EXT1: variants seen among roughly 807,000 people sequenced by gnomAD.
The protein encoded by EXT1 is exostosin-1.
EXT1 carries 20 observed loss-of-function variants against 82.5 expected under a neutral mutation model. That is an observed-to-expected ratio of 0.24 (90% CI 0.17 to 0.35). EXT1 has a LOEUF of 0.35. EXT1 is among the 10% of genes least tolerant of loss of function. EXT1 has a pLI of 1.00. For missense variants in EXT1, 757 were observed against 936.5 expected, an observed-to-expected ratio of 0.81 and a Z score of 2.50; for synonymous variants, 348 against 350.8, an observed-to-expected ratio of 0.99 and a Z score of 0.09.
chr8:117,825,597 A>G (rs1811997210), intron 4 of EXT1, among the ~76,000 whole-genome samples: 1 of 152,158 alleles, frequency 6.6e-6, no homozygotes, highest in Admixed American at 6.5e-5. Flanking sequence ...TCCTTATTTT[A>G]CTTTTATGTA....
chr8:117,949,744 G>A (rs1814457023), intron 1 of EXT1, among the ~76,000 whole-genome samples: 1 of 151,986 alleles, frequency 6.6e-6, no homozygotes, highest in Non-Finnish European at 1.5e-5. Context: ...TTTAGAAAAC[G>A]AAAGAGAGAA....
chr8:118,018,086 C>T (rs1816033333), intron 1 of EXT1, among the ~76,000 whole-genome samples: 1 of 152,300 alleles, frequency 6.6e-6, no homozygotes, highest in South Asian at 2.1e-4. Context: ...TACATATCCA[C>T]TAAAGACAGA....
intron 1 of EXT1, among the ~76,000 whole-genome samples, chr8:117,933,663 C>T (rs1214376810): frequency 6.6e-6 from 1 of 152,158 alleles, no homozygotes; most frequent in African/African-American, 2.4e-5. Flanking sequence ...CTTACTGCTG[C>T]GTCCCATGCA....
chr8:118,094,370 T>C (rs1230698917), intron 1 of EXT1, among the ~76,000 whole-genome samples: 1 of 152,246 alleles, frequency 6.6e-6, no homozygotes, highest in East Asian at 1.9e-4. Context: ...GGAGCTTCTA[T>C]ATGACTGGCA....
intron 1 of EXT1, among the ~76,000 whole-genome samples, chr8:117,903,969 A>C (rs1025781518): frequency 1.3e-5 from 2 of 152,210 alleles, no homozygotes; most frequent in African/African-American, 4.8e-5. Flanking sequence ...ATTTCTTAGG[A>C]ACACGCGTTA....
intron 1 of EXT1, among the ~76,000 whole-genome samples, chr8:118,085,587 G>A (rs886337719): frequency 6.6e-6 from 1 of 151,526 alleles, no homozygotes; most frequent in African/African-American, 2.4e-5. Flanking sequence ...GAAGTCACTG[G>A]GGAAAAACAA....
At chr8:117,962,680 G>A (rs531626834) in intron 1 of EXT1, among the ~76,000 whole-genome samples, 7 of 152,198 alleles carry the variant, frequency 4.6e-5, no homozygotes, top group African/African-American at 1.4e-4. Context: ...TTGGGGCTGC[G>A]AGACAGAGGT....
intron 6 of EXT1, 81 bp from the exon 7 acceptor site, chr8:117,818,611 C>CAGAAAG: frequency 1.8e-6 from 2 of 1,128,416 alleles, no homozygotes; most frequent in Non-Finnish European, 1.4e-6. Flanking sequence ...TTCTCAGAGA[C>CAGAAAG]AGAAAGAGAA....
chr8:117,988,377 A>G (rs1296728303), intron 1 of EXT1, among the ~76,000 whole-genome samples: 2 of 152,238 alleles, frequency 1.3e-5, no homozygotes, highest in East Asian at 3.9e-4. Context: ...GGAGGTCATT[A>G]CAAAGTGTAG....
At chr8:117,913,244 C>G (rs1171721785) in intron 1 of EXT1, among the ~76,000 whole-genome samples, 1 of 151,954 alleles carries the variant, frequency 6.6e-6, no homozygotes, top group East Asian at 1.9e-4. Context: ...TCAGACAGTC[C>G]AAGAGAACAC....
chr8:117,808,004 A>G (rs1169114562), intron 8 of EXT1, among the ~76,000 whole-genome samples: 1 of 152,220 alleles, frequency 6.6e-6, no homozygotes, highest in African/African-American at 2.4e-5. Context: ...ATCACTAAGA[A>G]TAAGTGGGGA....
At chr8:117,954,490 T>G (rs1270435677) in intron 1 of EXT1, among the ~76,000 whole-genome samples, 1 of 152,212 alleles carries the variant, frequency 6.6e-6, no homozygotes, top group African/African-American at 2.4e-5. Context: ...AGCCATGGAC[T>G]GAGCCAACTC....
At chr8:117,891,870 G>A (rs1423302464) in intron 1 of EXT1, among the ~76,000 whole-genome samples, 2 of 140,616 alleles carry the variant, frequency 1.4e-5, no homozygotes, top group Admixed American at 8.0e-5. Flanking sequence ...GCAGTGGCAC[G>A]ATCTCGGCTC....
intron 1 of EXT1, among the ~76,000 whole-genome samples, chr8:118,043,166 T>C (rs867148865): frequency 6.6e-6 from 1 of 152,196 alleles, no homozygotes; most frequent in Non-Finnish European, 1.5e-5. Flanking sequence ...CAGGTTTTCA[T>C]GAATAAATAA....
chr8:118,095,845 G>T (rs1182228005), intron 1 of EXT1, among the ~76,000 whole-genome samples: 1 of 152,162 alleles, frequency 6.6e-6, no homozygotes, highest in African/African-American at 2.4e-5. Flanking sequence ...TATGCACCTT[G>T]AGTACTTCTA....
chr8:118,080,631 G>C (rs17477154), intron 1 of EXT1, among the ~76,000 whole-genome samples: 2 of 152,138 alleles, frequency 1.3e-5, no homozygotes, highest in Admixed American at 6.5e-5. Context: ...TCTGAAGGTA[G>C]TTCTTTTAAA....
intron 1 of EXT1, among the ~76,000 whole-genome samples, chr8:117,989,543 G>C (rs938331415): frequency 6.6e-6 from 1 of 152,134 alleles, no homozygotes; most frequent in African/African-American, 2.4e-5. Context: ...AGTCCATTCT[G>C]TTTGCTAACT....
intron 1 of EXT1, among the ~76,000 whole-genome samples, chr8:117,883,900 T>G (rs1387479170): frequency 6.6e-6 from 1 of 152,198 alleles, no homozygotes; most frequent in Non-Finnish European, 1.5e-5. Context: ...GTAAGAAGAC[T>G]TCAAAGTTTT....
chr8:117,896,819 C>A (rs969137353), intron 1 of EXT1, among the ~76,000 whole-genome samples: 3 of 152,190 alleles, frequency 2.0e-5, no homozygotes, highest in Non-Finnish European at 4.4e-5. Flanking sequence ...AAAGAACAAG[C>A]GACAAACAGA....
Sources: allele counts gnomAD v4.1 joint callset (sites outside exome capture counted in the v4.1 genomes callset), GRCh38; gene constraint gnomAD v4.1.1; transcripts MANE v1.5; gene names NCBI Gene and HGNC (gene_info 2026-07-23, HGNC 2026-07-21).